PCDH9: variants seen among roughly 807,000 people sequenced by gnomAD.
The protein encoded by PCDH9 is protocadherin-9.
PCDH9 carries 24 observed loss-of-function variants against 70.6 expected under a neutral mutation model. The observed-to-expected ratio is 0.34, with a 90% CI of 0.25 to 0.48. The LOEUF (loss-of-function observed/expected upper bound fraction) is 0.48, where lower values mean the gene tolerates loss of function less well. Ranked by LOEUF, PCDH9 falls within the 20% of genes least tolerant of loss-of-function variation. PCDH9 has a pLI of 0.99. For synonymous variants in PCDH9, 562 were observed against 558.5 expected (o/e 1.01, Z -0.09); for missense variants, 1,281 against 1,503.6 (o/e 0.85, Z 2.45).
chr13:66,382,160 TACTC>T (rs1345696851), intron 4 of PCDH9, among the ~76,000 whole-genome samples: 5 of 152,212 alleles, frequency 3.3e-5, no homozygotes, highest in African/African-American at 4.8e-5. Context: ...AGTGAACTCT[TACTC>T]AGGAAATCTA....
intron 3 of PCDH9, among the ~76,000 whole-genome samples, chr13:66,653,886 T>C (rs2077887915): frequency 6.6e-6 from 1 of 151,050 alleles, no homozygotes. Context: ...GAGAATGGCT[T>C]GAACCCGGGA....
At chr13:67,071,781 C>T (rs1182243924) in intron 2 of PCDH9, among the ~76,000 whole-genome samples, 1 of 150,428 alleles carries the variant, frequency 6.6e-6, no homozygotes, top group Non-Finnish European at 1.5e-5. Context: ...CCCAGCTACT[C>T]TGGAGGCTGA....
chr13:66,553,988 T>C (rs1049344288), intron 4 of PCDH9, among the ~76,000 whole-genome samples: 23 of 152,156 alleles, frequency 1.5e-4, no homozygotes, highest in Non-Finnish European at 1.8e-4. Context: ...AATGCTGAAA[T>C]AATCTTTAGT....
At chr13:67,045,290 T>C (rs1413425678) in intron 2 of PCDH9, among the ~76,000 whole-genome samples, 1 of 152,186 alleles carries the variant, frequency 6.6e-6, no homozygotes, top group African/African-American at 2.4e-5. Context: ...TATTTTATTC[T>C]TTACCATCCC....
chr13:67,038,135 T>C (rs1344792444), intron 2 of PCDH9, among the ~76,000 whole-genome samples: 2 of 152,130 alleles, frequency 1.3e-5, no homozygotes, highest in Non-Finnish European at 2.9e-5. Context: ...CATTATGATG[T>C]AAATAACAGT....
intron 3 of PCDH9, among the ~76,000 whole-genome samples, chr13:66,645,528 T>C (rs2077759504): frequency 1.3e-5 from 2 of 151,960 alleles, no homozygotes; most frequent in East Asian, 3.9e-4. Context: ...AAATTATGAG[T>C]CCTTATAAAA....
At chr13:67,060,321 G>A (rs2085514190) in intron 2 of PCDH9, among the ~76,000 whole-genome samples, 1 of 152,030 alleles carries the variant, frequency 6.6e-6, no homozygotes, top group South Asian at 2.1e-4. Flanking sequence ...GGAAATGGAA[G>A]TTCTGAAAAG....
At chr13:66,571,812 T>A (rs576665454) in intron 4 of PCDH9, among the ~76,000 whole-genome samples, 8 of 152,102 alleles carry the variant, frequency 5.3e-5, no homozygotes, top group Non-Finnish European at 1.2e-4. Context: ...CTTTTTCTAG[T>A]CTCAGTCCAA....
intron 4 of PCDH9, among the ~76,000 whole-genome samples, chr13:66,577,634 G>A (rs1041262500): frequency 2.0e-5 from 3 of 151,530 alleles, no homozygotes; most frequent in East Asian, 1.9e-4. Context: ...CCCACTCCCC[G>A]CCCCCCTAAC....
At chr13:66,319,367 A>G (rs1431032488) in intron 4 of PCDH9, among the ~76,000 whole-genome samples, 1 of 152,148 alleles carries the variant, frequency 6.6e-6, no homozygotes. Context: ...ATCCAAATAC[A>G]GGGGTTCTTG....
At chr13:66,761,638 C>T (rs913717296) in intron 3 of PCDH9, among the ~76,000 whole-genome samples, 12 of 151,978 alleles carry the variant, frequency 7.9e-5, no homozygotes, top group African/African-American at 2.7e-4. Flanking sequence ...ATATGTATTG[C>T]AGTTTTCATT....
chr13:66,930,454 T>C (rs562540028), intron 2 of PCDH9, among the ~76,000 whole-genome samples: 9 of 152,282 alleles, frequency 5.9e-5, no homozygotes, highest in Admixed American at 5.9e-4. Context: ...CAGAGCTTTG[T>C]TTGCATTCCA....
intron 3 of PCDH9, among the ~76,000 whole-genome samples, chr13:66,816,889 G>T (rs2080615169): frequency 2.6e-5 from 4 of 151,042 alleles, no homozygotes; most frequent in Admixed American, 2.0e-4. Flanking sequence ...TGTGTTGATG[G>T]TATTGCATGT....
At chr13:66,581,961 C>T (rs1375751222) in intron 4 of PCDH9, among the ~76,000 whole-genome samples, 1 of 152,128 alleles carries the variant, frequency 6.6e-6, no homozygotes, top group African/African-American at 2.4e-5. Context: ...TATTTCTCTT[C>T]ACGTCTTTGT....
At chr13:66,415,144 T>A (rs1957439648) in intron 4 of PCDH9, among the ~76,000 whole-genome samples, 1 of 152,144 alleles carries the variant, frequency 6.6e-6, no homozygotes, top group Non-Finnish European at 1.5e-5. Context: ...TAGATATTAA[T>A]TTTAAAAACT....
At position 67,105,229 on chromosome 13, in the gene PCDH9, G is replaced by A. The variant is rs537725796; in HGVS notation, c.3036+120176C>T. On this transcript the variant is annotated intron_variant, in intron 2 of 4. Coordinates refer to ENST00000377865, the MANE Select transcript of PCDH9 (RefSeq NM_203487.3). ...CAAAAGAACAAAAATATAGAAGATCGTAATATTTTTGTTCTAAGAATAAAA... is the reference window on the plus strand; with the variant it reads ...CAAAAGAACAAAAATATAGAAGATCATAATATTTTTGTTCTAAGAATAAAA... Among the ~76,000 whole-genome samples the A allele has an allele frequency of 1.1e-4, 16 of 152,108 alleles. No homozygotes were observed. The East Asian group carries it at 1.2e-3, about 11-fold the overall frequency.
chr13:66,981,240 C>T (rs1285956289), intron 2 of PCDH9, among the ~76,000 whole-genome samples: 2 of 151,990 alleles, frequency 1.3e-5, no homozygotes, highest in Non-Finnish European at 2.9e-5. Flanking sequence ...AGATCAAGAC[C>T]ATCGTGGCTA....
intron 2 of PCDH9, among the ~76,000 whole-genome samples, chr13:66,963,327 A>G (rs1263827853): frequency 6.6e-6 from 1 of 152,178 alleles, no homozygotes; most frequent in Non-Finnish European, 1.5e-5. Flanking sequence ...AAGTGCAAAG[A>G]TCAAACATTG....
At chr13:66,387,860 T>C (rs1266116332) in intron 4 of PCDH9, among the ~76,000 whole-genome samples, 1 of 152,208 alleles carries the variant, frequency 6.6e-6, no homozygotes, top group Non-Finnish European at 1.5e-5. Flanking sequence ...CTGTTCCATT[T>C]ACACCTCAGT....
Sources: gnomAD v4.1 joint callset for allele counts (sites outside exome capture counted in the v4.1 genomes callset) on GRCh38, gnomAD v4.1.1 for gene constraint, MANE v1.5 for transcripts, NCBI Gene and HGNC (gene_info 2026-07-23, HGNC 2026-07-21) for gene names.